Variants in STARD9 observed in about 807,000 individuals in gnomAD.
STARD9 encodes the protein stAR-related lipid transfer protein 9.
A neutral mutation model predicts 399.8 loss-of-function variants in STARD9; 346 were observed. That is an observed-to-expected ratio of 0.87 (90% CI 0.79 to 0.95). The LOEUF (loss-of-function observed/expected upper bound fraction) is 0.95. Ranked by LOEUF, STARD9 falls within the 40% of genes least tolerant of loss-of-function variation. The probability of loss-of-function intolerance (pLI) is 0.00; values close to 1 mark genes in which losing one functional copy is unlikely to be tolerated. For synonymous variants in STARD9, 2,203 were observed against 2,143.5 expected (o/e 1.03, Z -0.77); for missense variants, 5,832 against 5,667.5 (o/e 1.03, Z -0.93).
chr15:42,718,618 T>A, intron 31 of STARD9, 104 bp downstream of exon 31: 6 of 1,432,016 alleles, frequency 4.2e-6, no homozygotes, highest in Non-Finnish European at 5.7e-6. Context: ...GGAGGGCAAA[T>A]TGGGGCTGGA....
In STARD9 at chr15:42,674,500, C is replaced by T. The variant is rs1210985998; in HGVS notation, c.1549+9C>T. 5.7e-5 allele frequency: 88 copies of T among 1,536,474 alleles called. No homozygotes were observed. The highest frequency in any genetic ancestry group is 7.4e-5 in the Non-Finnish European group (85 of 1,146,340). The stretch of plus-strand genomic sequence containing the variant: ...CCAGGAACAGGACATTGGTAAGTGG[C>T]AGAGTATATGAGTCCAGCATTTTGG... On this transcript the variant is annotated intron_variant, in intron 17 of 32. Coordinates refer to ENST00000290607, the MANE Select transcript of STARD9 (RefSeq NM_020759.3).
In STARD9 at chr15:42,674,480, A is replaced by G; in HGVS notation, c.1538A>G (p.Glu513Gly). Residue 513 changes from glutamate to glycine, a missense_variant, in exon 17 of 33, where the codon GAA becomes GGA. Glu to Gly is a moderately conservative substitution (Grantham distance 98). This residue lies in a region of STARD9 where 5,828 missense variants were observed against 5,651.1 expected (regional missense o/e 1.03). Coordinates refer to ENST00000290607, the MANE Select transcript of STARD9 (RefSeq NM_020759.3). ...ATAGGAAGGATTGACTCAGACCAGG[A>G]ACAGGACATTGGTAAGTGGCAGAGT... is the stretch of plus-strand genomic sequence containing the variant. ...TKIGRIDSDQEQDIVLQGQWI... is the reference protein window; with the variant it reads ...TKIGRIDSDQGQDIVLQGQWI... 3.3e-6 allele frequency: 5 copies of G among 1,537,146 alleles called. No homozygotes were observed. The highest frequency in any genetic ancestry group is 1.2e-5 in the South Asian group (1 of 84,060).
intron 9 of STARD9, among the ~76,000 whole-genome samples, chr15:42,656,052 C>T (rs2059861900): frequency 1.3e-5 from 2 of 151,730 alleles, no homozygotes; most frequent in Admixed American, 1.3e-4. Context: ...CAAGAATGGC[C>T]ATAATAAAAA....
At chr15:42,575,785 G>T in intron 1 of STARD9, 23 bp downstream of exon 1, 1 of 1,536,346 alleles carries the variant, frequency 6.5e-7, no homozygotes, top group East Asian at 2.4e-5. Flanking sequence ...GGGAGAGGGC[G>T]CCTGAGGCTT....
chr15:42,695,363 G>T lies in STARD9; in HGVS notation c.13146+40G>T, dbSNP rs575672475. 39 of 1,488,314 alleles carry T rather than the reference G, an allele frequency of 2.6e-5. No homozygotes were observed. The South Asian group carries it at 4.8e-4, about 18-fold the overall frequency. 92.2% of individuals were successfully genotyped at this position (1,488,314 alleles called of 1,614,324 possible). ...ATGCCTCTGATTTCAGGATAGGCCT[G>T]GACCTCAGACTGGTACACCTTCACC... On this transcript the variant is annotated intron_variant, in intron 25 of 32. Coordinates refer to ENST00000290607, the MANE Select transcript of STARD9 (RefSeq NM_020759.3).
Position 42,686,442 on chromosome 15 carries a change from T to C in STARD9, c.4864T>C (p.Cys1622Arg), listed in dbSNP as rs901780350. Residue 1622 changes from cysteine (C) to arginine (R), a missense_variant, in exon 23 of 33, where the codon TGT becomes CGT. Transcript: ENST00000290607. ...GATACCAGATTCCATGACAGAAGCA[T>C]GTGAAGTCAAGCAGAACAACTTGGA... Reference protein sequence around the residue: ...NAIPDSMTEACEVKQNNLEEC... With the variant: ...NAIPDSMTEAREVKQNNLEEC... The C allele has an allele frequency of 2.6e-6, 4 of 1,537,730 alleles. No individual in the cohort carries two copies. Among genetic ancestry groups the C allele is most frequent in the Non-Finnish European group, 3.5e-6 (4 of 1,147,036 alleles).
Position 42,674,487 on chromosome 15 carries a change from C to A in STARD9, c.1545C>A (p.Asp515Glu). 1 of 1,537,052 alleles carries A rather than the reference C, an allele frequency of 6.5e-7. No homozygotes were observed. The highest frequency in any genetic ancestry group is 8.7e-7 in the Non-Finnish European group (1 of 1,146,760). ...GGATTGACTCAGACCAGGAACAGGA[C>A]ATTGGTAAGTGGCAGAGTATATGAG... is the stretch of plus-strand genomic sequence containing the variant. ...IGRIDSDQEQDIVLQGQWIER... is the reference protein window; with the variant it reads ...IGRIDSDQEQEIVLQGQWIER... The change falls in exon 17 of 33, where the codon GAC (aspartate) becomes GAA (glutamate). Residue 515 changes from aspartate (D) to glutamate (E), a missense_variant. Coordinates refer to ENST00000290607, the MANE Select transcript of STARD9 (RefSeq NM_020759.3).
chr15:42,695,084 C>A, intron 24 of STARD9, 56 bp from the exon 25 acceptor site: 1 of 1,376,934 alleles, frequency 7.3e-7, no homozygotes, highest in Non-Finnish European at 9.7e-7. Flanking sequence ...CTTGGATGGA[C>A]AGACCAGGAC....
intron 3 of STARD9, among the ~76,000 whole-genome samples, chr15:42,589,181 G>T (rs1190202969): frequency 6.6e-6 from 1 of 152,010 alleles, no homozygotes; most frequent in Non-Finnish European, 1.5e-5. Flanking sequence ...TTTAGATATA[G>T]TGAAAGATTT....
intron 26 of STARD9, among the ~76,000 whole-genome samples, chr15:42,715,484 C>A (rs892353679): frequency 6.6e-6 from 1 of 151,592 alleles, no homozygotes; most frequent in Admixed American, 6.6e-5. Flanking sequence ...AGTCTAAGAC[C>A]AACATGGGCA....
At chr15:42,591,261 G>T (rs2058386953) in intron 3 of STARD9, among the ~76,000 whole-genome samples, 1 of 152,182 alleles carries the variant, frequency 6.6e-6, no homozygotes, top group South Asian at 2.1e-4. Context: ...GCCAAGGCGG[G>T]TGGATCACCT....
Position 42,681,844 on chromosome 15 carries a change from T to C in STARD9, c.2065+232T>C, listed in dbSNP as rs114356937. The stretch of plus-strand genomic sequence containing the variant: ...TCAGAATTACGGACCTCCTACTTAC[T>C]GCTCCTCATTTGGTCATGTATCCAT... On this transcript the variant is annotated intron_variant, in intron 21 of 32. Transcript: ENST00000290607. Among the ~76,000 whole-genome samples, 211 of 152,258 alleles carry C rather than the reference T, an allele frequency of 1.4e-3. 2 individuals carry two copies. Among genetic ancestry groups the C allele is most frequent in the African/African-American group, 4.5e-3 (186 of 41,534 alleles).
intron 24 of STARD9, 130 bp from the exon 25 acceptor site, chr15:42,695,010 C>CA (rs1259755669): frequency 1.1e-6 from 1 of 872,016 alleles, no homozygotes; most frequent in Non-Finnish European, 1.7e-6. Flanking sequence ...AAAAATCATA[C>CA]TTTAAAACCC....
chr15:42,692,244 G>A lies in STARD9; in HGVS notation c.10666G>A (p.Glu3556Lys). 1 of 1,537,078 alleles carries A rather than the reference G, an allele frequency of 6.5e-7. No individual in the cohort carries two copies. The highest frequency in any genetic ancestry group is 8.7e-7 in the Non-Finnish European group (1 of 1,146,910). ...TGCCCAGGGTTCAAATGAGGCCTGG[G>A]AAGTATTCCGAGGGAGTTCTTCAAT... ...ENAQGSNEAW[E>K]VFRGSSSIAL... The change falls in exon 23 of 33, where the codon GAA (glutamate) becomes AAA (lysine). Residue 3556 changes from glutamate (E) to lysine (K), a missense_variant. This residue lies in a region of STARD9 where 5,828 missense variants were observed against 5,651.1 expected (regional missense o/e 1.03). Transcript: ENST00000290607.
At chr15:42,707,143 T>TA (rs144945764) in intron 26 of STARD9, among the ~76,000 whole-genome samples, 9,255 of 152,222 alleles carry the variant, frequency 0.061, 631 homozygotes, top group African/African-American at 0.18. Context: ...TATGAATAGT[T>TA]AAAAAAGTAA....
Position 42,686,081 on chromosome 15 carries a change from G to A in STARD9, c.4503G>A (p.Glu1501=). ...TTGAACTCTCTTGTCCTGTTTTGGAGGCCATAGGAGCACCCAAGCCAGCTT... is the reference window on the plus strand; with the variant it reads ...TTGAACTCTCTTGTCCTGTTTTGGAAGCCATAGGAGCACCCAAGCCAGCTT... The part of the protein sequence containing the change: ...YLLELSCPVL[E]AIGAPKPAYP... The change falls in exon 23 of 33, where the codon GAG becomes GAA. Residue 1501 remains glutamate, a synonymous_variant. Coordinates refer to ENST00000290607, the MANE Select transcript of STARD9 (RefSeq NM_020759.3). 6.5e-7 allele frequency: 1 copy of A among 1,537,194 alleles called. No individual in the cohort carries two copies. The highest frequency in any genetic ancestry group is 8.7e-7 in the Non-Finnish European group (1 of 1,146,896).
chr15:42,719,519 TC>T lies in STARD9; in HGVS notation c.14049del (p.Phe4683LeufsTer9), dbSNP rs1315691961. On this transcript the variant is annotated frameshift_variant, in exon 33 of 33. Coordinates refer to ENST00000290607, the MANE Select transcript of STARD9 (RefSeq NM_020759.3). LOFTEE classifies it high-confidence loss of function. Reference sequence around the variant, plus strand: ...TTCCCACCTCAGCTCCTGAGCTCTTTCATCAAACGGCAGCCACTGGTTATAG... The same window carrying T: ...TTCCCACCTCAGCTCCTGAGCTCTTTATCAAACGGCAGCCACTGGTTATAG... ...PGFPPQLLSS[F>X]IKRQPLVIAR... 5.2e-6 allele frequency: 8 copies of T among 1,537,130 alleles called. No individual in the cohort carries two copies. In the African/African-American group the frequency reaches 8.2e-5, roughly 16 times the overall value.
intron 11 of STARD9, 141 bp downstream of exon 11, chr15:42,663,032 C>A: frequency 1.3e-6 from 1 of 751,324 alleles, no homozygotes; most frequent in Non-Finnish European, 2.1e-6. Flanking sequence ...TGATATTTGT[C>A]CTTGGTTTTA....
chr15:42,670,097 G>T (rs971008605), intron 16 of STARD9: 2 of 151,968 alleles, frequency 1.3e-5, no homozygotes, highest in Non-Finnish European at 2.9e-5. Context: ...TTAAAAAAAG[G>T]TGGCTTTCAG....
Sources: gnomAD v4.1 joint callset for allele counts (sites outside exome capture counted in the v4.1 genomes callset) on GRCh38, gnomAD v4.1.1 for gene constraint, gnomAD v4.1.1 regional missense constraint, MANE v1.5 for transcripts, NCBI Gene and HGNC (gene_info 2026-07-23, HGNC 2026-07-21) for gene names.